The following TENM3 variants were observed in gnomAD, a reference collection of about 807,000 sequenced individuals.
TENM3 encodes the protein teneurin transmembrane protein 3, also known as teneurin-3.
Under a neutral mutation model 255.1 loss-of-function variants are expected in TENM3, and 63 were observed. That is an observed-to-expected ratio of 0.25 (90% CI 0.20 to 0.30). The LOEUF (loss-of-function observed/expected upper bound fraction) is 0.30. Ranked by LOEUF, TENM3 falls within the 10% of genes least tolerant of loss-of-function variation. The pLI is 1.00. For missense variants in TENM3, 2,929 were observed against 3,461.1 expected (o/e 0.85, Z 3.86); for synonymous variants, 1,306 against 1,322.3 (o/e 0.99, Z 0.27).
chr4:181,785,139 A>C, the TENM3 span, among the ~76,000 whole-genome samples: 1 of 152,308 alleles, frequency 6.6e-6, no homozygotes, highest in East Asian at 1.9e-4. Context: ...GAATGAAGGC[A>C]CATGTGTGAA....
At chr4:182,694,245 G>A (rs1476554883) in intron 12 of TENM3, among the ~76,000 whole-genome samples, 1 of 151,966 alleles carries the variant, frequency 6.6e-6, no homozygotes, top group Non-Finnish European at 1.5e-5. Flanking sequence ...GAATAGCTGG[G>A]ACCTCAGGAG....
At chr4:181,782,078 C>CT in the TENM3 span, among the ~76,000 whole-genome samples, 2,641 of 149,410 alleles carry the variant, frequency 0.018, 65 homozygotes, top group African/African-American at 0.054. Context: ...GTCTAAAATT[C>CT]TTTTTTTTTT....
chr4:182,170,049 A>G (rs1335928490), intron 1 of TENM3, among the ~76,000 whole-genome samples: 2 of 150,746 alleles, frequency 1.3e-5, no homozygotes, highest in African/African-American at 4.9e-5. Context: ...TGCATACTAG[A>G]TCGCAACTGA....
intron 3 of TENM3, among the ~76,000 whole-genome samples, chr4:182,553,301 G>A (rs902352116): frequency 6.7e-6 from 1 of 149,340 alleles, no homozygotes; most frequent in South Asian, 2.1e-4. Context: ...AAATTGAAAT[G>A]TTCTCACTCA....
intron 1 of TENM3, among the ~76,000 whole-genome samples, chr4:182,289,266 A>T (rs1315110798): frequency 3.3e-5 from 5 of 152,240 alleles, no homozygotes; most frequent in Admixed American, 3.3e-4. Context: ...AAACGCATTT[A>T]GATGTTTTGT....
chr4:181,868,369 G>A, the TENM3 span, among the ~76,000 whole-genome samples: 1 of 151,644 alleles, frequency 6.6e-6, no homozygotes, highest in African/African-American at 2.4e-5. Flanking sequence ...CTATCTTTTT[G>A]AAGGCCTTAA....
At chr4:182,529,711 T>A (rs1739582214) in intron 3 of TENM3, among the ~76,000 whole-genome samples, 1 of 152,228 alleles carries the variant, frequency 6.6e-6, no homozygotes, top group Non-Finnish European at 1.5e-5. Context: ...ACATATGATT[T>A]TAACAAATAT....
the TENM3 span, among the ~76,000 whole-genome samples, chr4:182,122,685 T>A: frequency 3.3e-5 from 5 of 152,226 alleles, no homozygotes; most frequent in Non-Finnish European, 7.3e-5. Context: ...AGCATAATTT[T>A]AAGGGCCTTA....
chr4:181,479,480 A>G, the TENM3 span, among the ~76,000 whole-genome samples: 1 of 152,194 alleles, frequency 6.6e-6, no homozygotes. Flanking sequence ...AAATCACTTT[A>G]TTAAAATCAT....
intron 3 of TENM3, chr4:182,448,996 G>T (rs946090016): frequency 1.0e-5 from 4 of 399,996 alleles, no homozygotes; most frequent in African/African-American, 8.8e-5. Flanking sequence ...GGAGCCAGGC[G>T]CTGTAACACG....
At chr4:181,487,032 C>T in the TENM3 span, among the ~76,000 whole-genome samples, 1 of 152,066 alleles carries the variant, frequency 6.6e-6, no homozygotes, top group African/African-American at 2.4e-5. Context: ...TGTTTAAAAT[C>T]ACAATTACAA....
chr4:181,739,907 A>G, the TENM3 span, among the ~76,000 whole-genome samples: 1 of 152,204 alleles, frequency 6.6e-6, no homozygotes, highest in Admixed American at 6.5e-5. Flanking sequence ...AGTACGCAAA[A>G]ATCACTTGGC....
chr4:182,337,768 A>G (rs1045021251), intron 2 of TENM3, among the ~76,000 whole-genome samples: 34 of 152,248 alleles, frequency 2.2e-4, no homozygotes, highest in African/African-American at 7.2e-4. Context: ...TGGATATAAC[A>G]ATTGTATGTT....
intron 12 of TENM3, among the ~76,000 whole-genome samples, chr4:182,696,857 T>C (rs1757463659): frequency 6.6e-6 from 1 of 152,218 alleles, no homozygotes; most frequent in Non-Finnish European, 1.5e-5. Context: ...GATATTCTTT[T>C]TCTTAAAGAG....
chr4:182,074,976 AAGAGGCTGC>A, the TENM3 span, among the ~76,000 whole-genome samples: 30,840 of 151,990 alleles, frequency 0.2, 3,371 homozygotes, highest in African/African-American at 0.28. Flanking sequence ...ATTATGGCAT[AAGAGGCTGC>A]AAATTCCAGT....
intron 1 of TENM3, among the ~76,000 whole-genome samples, chr4:182,177,172 C>T (rs945159449): frequency 5.9e-5 from 9 of 152,084 alleles, no homozygotes; most frequent in South Asian, 4.1e-4. Flanking sequence ...TGCTTAATAA[C>T]GGCTTCTTGT....
chr4:182,206,111 G>A (rs1246427124), intron 1 of TENM3, among the ~76,000 whole-genome samples: 1 of 151,674 alleles, frequency 6.6e-6, no homozygotes, highest in Non-Finnish European at 1.5e-5. Flanking sequence ...GATTGCTTGA[G>A]TTGTTCACAT....
chr4:182,209,591 G>T (rs1384253724), intron 1 of TENM3, among the ~76,000 whole-genome samples: 3 of 151,330 alleles, frequency 2.0e-5, no homozygotes, highest in African/African-American at 7.4e-5. Context: ...GTATAGCCGA[G>T]TAAAGTTCTT....
chr4:182,406,026 C>T (rs1201114131), intron 3 of TENM3, among the ~76,000 whole-genome samples: 1 of 152,220 alleles, frequency 6.6e-6, no homozygotes, highest in African/African-American at 2.4e-5. Flanking sequence ...TGGACTCACA[C>T]TGGGCATGGT....
Sources: allele counts gnomAD v4.1 joint callset (sites outside exome capture counted in the v4.1 genomes callset), GRCh38; gene constraint gnomAD v4.1.1; transcripts MANE v1.5; gene names NCBI Gene and HGNC (gene_info 2026-07-23, HGNC 2026-07-21).